Variants in TGM3 observed in about 807,000 individuals in gnomAD.
TGM3 encodes the protein transglutaminase 3.
Under a neutral mutation model 73.8 loss-of-function variants are expected in TGM3, and 52 were observed. The ratio of observed to expected loss-of-function variants is 0.70; its 90% CI spans 0.56 to 0.89. TGM3 has a LOEUF of 0.89. Among genes scored for constraint, TGM3 ranks in the 40% least tolerant of loss-of-function variants. The pLI is 0.00. For synonymous variants in TGM3, 372 were observed against 354.9 expected (o/e 1.05, Z -0.54); for missense variants, 928 against 909.9 (o/e 1.02, Z -0.26).
At chr20:2,310,898 G>T (rs1198821898) in intron 3 of TGM3, 113 bp from the exon 4 acceptor site, 2 of 865,302 alleles carry the variant, frequency 2.3e-6, no homozygotes, top group East Asian at 2.4e-5. Flanking sequence ...GAGGGCTAAA[G>T]GTGGGGCTTG....
chr20:2,323,176 C>A (rs1376931000), intron 7 of TGM3, among the ~76,000 whole-genome samples: 1 of 152,174 alleles, frequency 6.6e-6, no homozygotes, highest in Non-Finnish European at 1.5e-5. Context: ...GCAGTATACC[C>A]TGAACCCAAT....
rs779335259 is a variant in TGM3 at position 2,340,036 on chromosome 20, G to A, written c.1934+49G>A. 1.2e-5 allele frequency: 17 copies of A among 1,438,778 alleles called. 2 individuals carry two copies. Among genetic ancestry groups the A allele is most frequent in the Admixed American group, 5.9e-5 (3 of 50,768 alleles). 89.1% of individuals were successfully genotyped at this position (1,438,778 alleles called of 1,614,324 possible). On this transcript the variant is annotated intron_variant, in intron 12 of 12. Coordinates refer to ENST00000381458, the MANE Select transcript of TGM3 (RefSeq NM_003245.4). Reference sequence around the variant, plus strand: ...GGTGCAGGAGGGCGGGAGGGGGCGGGGGGGCCCTCCAGATCCCCTGGGTGG... The same window carrying A: ...GGTGCAGGAGGGCGGGAGGGGGCGGAGGGGCCCTCCAGATCCCCTGGGTGG...
Position 2,328,067 on chromosome 20 carries a change from C to T in TGM3, c.1088-53C>T. ...CTGGAAGGCCCTGGGGAATCGGGCACTGGGTAGGTTGTGGCCTTGGCATAT... is the reference window on the plus strand; with the variant it reads ...CTGGAAGGCCCTGGGGAATCGGGCATTGGGTAGGTTGTGGCCTTGGCATAT... On this transcript the variant is annotated intron_variant, in intron 8 of 12. Transcript: ENST00000381458. The surrounding 1 kb of genome is among the most constrained non-coding windows in gnomAD (Gnocchi z 5.2). 6.2e-7 allele frequency: 1 copy of T among 1,608,700 alleles called. No homozygotes were observed. The highest frequency in any genetic ancestry group is 8.5e-7 in the Non-Finnish European group (1 of 1,176,382).
chr20:2,302,097 G>A (rs563488042), intron 1 of TGM3, among the ~76,000 whole-genome samples: 1 of 152,290 alleles, frequency 6.6e-6, no homozygotes, highest in Non-Finnish European at 1.5e-5. Flanking sequence ...GTAGAGTCTG[G>A]TTGGGGGCTA....
rs181451282 is a variant in TGM3 at position 2,339,609 on chromosome 20, C to G, written c.1801-245C>G. On this transcript the variant is annotated intron_variant, in intron 11 of 12. Transcript: ENST00000381458. ...TGTTGTTGGCTGCTGCAGGGGGCCC[C>G]TTCCCCCTCAAAGCTGAGGTTCTCA... 6.7e-3 allele frequency among the ~76,000 whole-genome samples: 1,023 copies of G among 152,242 alleles called. 3 individuals carry two copies. The highest frequency in any genetic ancestry group is 7.0e-3 in the Non-Finnish European group (479 of 68,004).
intron 1 of TGM3, among the ~76,000 whole-genome samples, chr20:2,308,202 A>G (rs2084185011): frequency 6.6e-6 from 1 of 152,312 alleles, no homozygotes; most frequent in Admixed American, 6.5e-5. Context: ...AGCCTGGGGC[A>G]ATAGAGCCAG....
At position 2,340,309 on chromosome 20, in the gene TGM3, AG is replaced by A. The variant is rs1476275806; in HGVS notation, c.1935-122del. ...CCCCGTAACCCAGAGAGACAGCTAG[AG>A]GGAGCTAAAGAAGCAGTGGCCTTGC... On this transcript the variant is annotated intron_variant, in intron 12 of 12. Coordinates refer to ENST00000381458, the MANE Select transcript of TGM3 (RefSeq NM_003245.4). 9.4e-6 allele frequency: 13 copies of A among 1,389,308 alleles called. No homozygotes were observed. In the African/African-American group the frequency reaches 1.6e-4, roughly 17 times the overall value. 86.1% of individuals were successfully genotyped at this position (1,389,308 alleles called of 1,614,324 possible). A position where few individuals can be genotyped will look rare whatever the true frequency, so the allele number is the denominator to read the frequency against.
At position 2,296,012 on chromosome 20, in the gene TGM3, C is replaced by G; in HGVS notation, c.-52C>G. The G allele has an allele frequency of 4.5e-6, 7 of 1,550,652 alleles. No individual in the cohort carries two copies. The highest frequency in any genetic ancestry group is 6.1e-6 in the Non-Finnish European group (7 of 1,146,124). On this transcript the variant is annotated 5_prime_UTR_variant, in exon 1 of 13. Transcript: ENST00000381458. The stretch of plus-strand genomic sequence containing the variant: ...ATCCTTGGCAGCCTGTCTGTCAGCA[C>G]TGTCCGTGCCATTCCCAGAGGAGCC...
At position 2,310,185 on chromosome 20, in the gene TGM3, C is replaced by T. The variant is rs767940885; in HGVS notation, c.189C>T (p.Tyr63=). The T allele has an allele frequency of 3.1e-6, 5 of 1,613,878 alleles. No individual in the cohort carries two copies. The highest frequency in any genetic ancestry group is 1.7e-5 in the Admixed American group (1 of 60,030). ...CTCTGTCTTCTTTGACAGGGCCTTA[C>T]CCCTCAGAGTCGGCCATGACGAAGG... The part of the protein sequence containing the change: ...RLEFIVSTGP[Y]PSESAMTKAV... Residue 63 remains tyrosine (Y), a synonymous_variant, in exon 3 of 13, where the codon TAC becomes TAT. Coordinates refer to ENST00000381458, the MANE Select transcript of TGM3 (RefSeq NM_003245.4).
At chr20:2,309,430 T>G (rs1459539722) in intron 1 of TGM3, among the ~76,000 whole-genome samples, 1 of 152,232 alleles carries the variant, frequency 6.6e-6, no homozygotes, top group African/African-American at 2.4e-5. Flanking sequence ...TGATCTTGCA[T>G]CCTGTGAGCT....
chr20:2,328,500 T>C lies in TGM3; in HGVS notation c.1333+135T>C. On this transcript the variant is annotated intron_variant, in intron 9 of 12. Transcript: ENST00000381458. This position sits in a 1 kb window ranked among gnomAD's most constrained non-coding sequence, Gnocchi z 5.2. The stretch of plus-strand genomic sequence containing the variant: ...CTGCCTGAATGATAGGATTGCTCCC[T>C]AGCACCTAACATCCACCTCCCAGGA... The C allele has an allele frequency of 8.0e-7, 1 of 1,257,212 alleles. No homozygotes were observed. The highest frequency in any genetic ancestry group is 1.1e-6 in the Non-Finnish European group (1 of 912,458). 77.9% of individuals were successfully genotyped at this position (1,257,212 alleles called of 1,614,324 possible).
At chr20:2,308,554 G>A (rs1312845531) in intron 1 of TGM3, among the ~76,000 whole-genome samples, 3 of 152,114 alleles carry the variant, frequency 2.0e-5, no homozygotes, top group Admixed American at 6.5e-5. Flanking sequence ...GTTTGTCCTC[G>A]GGTCTTATCC....
chr20:2,339,748 C>T, intron 11 of TGM3, 106 bp from the exon 12 acceptor site: 2 of 1,487,444 alleles, frequency 1.3e-6, no homozygotes, highest in South Asian at 1.2e-5. Flanking sequence ...TCTTCATCCT[C>T]AGTGACATCA....
rs553309266 is a variant in TGM3 at position 2,312,651 on chromosome 20, T to C, written c.541-247T>C. ...ATTTATTATCCTTTTCTGTCTCTTT[T>C]TTGTTGTTGTTGTTTCAAAAGCTGC... is the stretch of plus-strand genomic sequence containing the variant. On this transcript the variant is annotated intron_variant, in intron 4 of 12. Transcript: ENST00000381458. 3.9e-5 allele frequency among the ~76,000 whole-genome samples: 6 copies of C among 152,256 alleles called. No individual in the cohort carries two copies. In the East Asian group the frequency reaches 1.2e-3, roughly 29 times the overall value.
At chr20:2,302,256 C>A (rs1313431754) in intron 1 of TGM3, among the ~76,000 whole-genome samples, 2 of 152,158 alleles carry the variant, frequency 1.3e-5, no homozygotes, top group Non-Finnish European at 2.9e-5. Flanking sequence ...GCAGGTGATT[C>A]AATTATACAG....
chr20:2,311,082 G>A lies in TGM3; in HGVS notation c.493G>A (p.Val165Met). Reference protein sequence around the residue: ...YVQEDAGIIFVGSTNRIGMIG... With the variant: ...YVQEDAGIIFMGSTNRIGMIG... ...TCAGGAAGATGCCGGCATCATCTTTGTGGGAAGCACAAACCGAATTGGCAT... is the reference window on the plus strand; with the variant it reads ...TCAGGAAGATGCCGGCATCATCTTTATGGGAAGCACAAACCGAATTGGCAT... The change falls in exon 4 of 13, where the codon GTG (valine) becomes ATG (methionine). Residue 165 changes from valine (V) to methionine (M), a missense_variant. By Grantham distance (21) the Val-to-Met change is conservative (BLOSUM62 1). Coordinates refer to ENST00000381458, the MANE Select transcript of TGM3 (RefSeq NM_003245.4). 2.5e-6 allele frequency: 4 copies of A among 1,614,130 alleles called. No individual in the cohort carries two copies. Among genetic ancestry groups the A allele is most frequent in the Non-Finnish European group, 3.4e-6 (4 of 1,180,016 alleles).
intron 1 of TGM3, among the ~76,000 whole-genome samples, chr20:2,297,080 A>T (rs2084112846): frequency 6.6e-6 from 1 of 152,112 alleles, no homozygotes; most frequent in Admixed American, 6.5e-5. Flanking sequence ...GGATGCTAAG[A>T]AGAGGAGCTC....
chr20:2,298,491 G>T (rs1202990525), intron 1 of TGM3, among the ~76,000 whole-genome samples: 1 of 152,208 alleles, frequency 6.6e-6, no homozygotes, highest in Non-Finnish European at 1.5e-5. Context: ...CTGTTTTGGG[G>T]ACTAATGGCT....
At chr20:2,340,037 G>GA in intron 12 of TGM3, 50 bp downstream of exon 12, 1 of 1,437,022 alleles carries the variant, frequency 7.0e-7, no homozygotes, top group Non-Finnish European at 9.5e-7. Flanking sequence ...AGGGGGCGGG[G>GA]GGGCCCTCCA....
Sources: allele counts gnomAD v4.1 joint callset (sites outside exome capture counted in the v4.1 genomes callset), GRCh38; gene constraint gnomAD v4.1.1; non-coding constraint Gnocchi (gnomAD v3.1); transcripts MANE v1.5; gene names NCBI Gene and HGNC (gene_info 2026-07-23, HGNC 2026-07-21).